Variants in PASD1 observed in about 807,000 individuals in gnomAD.
The protein encoded by PASD1 is PAS domain containing repressor 1, also known as circadian clock protein PASD1.
In PASD1, 13 loss-of-function variants were observed where a neutral mutation model predicts 58.8. The observed-to-expected ratio is 0.22, with a 90% CI of 0.14 to 0.35. The LOEUF is 0.35. Ranked by LOEUF, PASD1 falls within the 10% of genes least tolerant of loss-of-function variation. The pLI is 1.00. For missense variants in PASD1, 734 were observed against 568.3 expected (o/e 1.29, Z -2.96); for synonymous variants, 236 against 216.7 (o/e 1.09, Z -0.78).
chrX:151,640,897 C>A (rs939479950), intron 8 of PASD1: 1 of 111,640 alleles, frequency 9.0e-6, no homozygotes, highest in African/African-American at 3.3e-5. Context: ...CCAATATCAG[C>A]AATATTCTTT....
chrX:151,599,870 G>A (rs749062308), intron 1 of PASD1, among the ~76,000 whole-genome samples: 97 of 111,877 alleles, frequency 8.7e-4, no homozygotes, highest in African/African-American at 2.7e-3. Flanking sequence ...GGTGGCGGCC[G>A]GGCAGAGGCT....
chrX:151,568,126 G>T (rs1398492627), intron 1 of PASD1, among the ~76,000 whole-genome samples: 1 of 112,362 alleles, frequency 8.9e-6, no homozygotes, highest in Non-Finnish European at 1.9e-5. Flanking sequence ...GGCTTAAGAT[G>T]TCGGCAAGGC....
intron 11 of PASD1, among the ~76,000 whole-genome samples, chrX:151,668,233 CA>C (rs2088059954): frequency 9.0e-6 from 1 of 111,657 alleles, no homozygotes; most frequent in African/African-American, 3.3e-5. Context: ...TGAATTTTGT[CA>C]AAGATCTTTT....
chrX:151,585,966 C>T (rs1375690411), intron 1 of PASD1, among the ~76,000 whole-genome samples: 1 of 111,583 alleles, frequency 9.0e-6, no homozygotes, highest in East Asian at 2.8e-4. Flanking sequence ...TGATACTGAT[C>T]AGCAGAATTC....
intron 8 of PASD1, among the ~76,000 whole-genome samples, chrX:151,630,215 C>T (rs755065531): frequency 2.2e-4 from 24 of 111,385 alleles, no homozygotes; most frequent in Non-Finnish European, 4.3e-4. Flanking sequence ...CATATCCCTC[C>T]CTCCTCCAAC....
intron 10 of PASD1, among the ~76,000 whole-genome samples, chrX:151,660,089 C>A (rs1039676651): frequency 8.9e-6 from 1 of 111,912 alleles, no homozygotes; most frequent in Non-Finnish European, 1.9e-5. Flanking sequence ...GGATCTCAAT[C>A]CTTGAAGGAA....
chrX:151,653,323 G>C (rs1455660399), intron 9 of PASD1, among the ~76,000 whole-genome samples: 1 of 109,222 alleles, frequency 9.2e-6, no homozygotes, highest in African/African-American at 3.3e-5. Flanking sequence ...CTCCCAAGTA[G>C]CTGGATTACA....
At chrX:151,594,087 C>T (rs755154775) in intron 1 of PASD1, among the ~76,000 whole-genome samples, 87 of 110,699 alleles carry the variant, frequency 7.9e-4, no homozygotes, top group Non-Finnish European at 1.6e-3. Flanking sequence ...CATTCTCCTG[C>T]CTCAGCCTCC....
chrX:151,637,256 T>A (rs2013941763), intron 8 of PASD1, among the ~76,000 whole-genome samples: 1 of 112,712 alleles, frequency 8.9e-6, no homozygotes, highest in Non-Finnish European at 1.9e-5. Flanking sequence ...AGGAATAGAA[T>A]TGTTAGTACA....
At chrX:151,592,490 G>A (rs934410539) in intron 1 of PASD1, among the ~76,000 whole-genome samples, 3 of 111,228 alleles carry the variant, frequency 2.7e-5, no homozygotes, top group African/African-American at 6.5e-5. Flanking sequence ...TTTTCTTGAT[G>A]GAAATATATA....
intron 10 of PASD1, among the ~76,000 whole-genome samples, chrX:151,661,140 G>C (rs1322043502): frequency 9.8e-6 from 1 of 102,138 alleles, no homozygotes; most frequent in East Asian, 2.9e-4. Flanking sequence ...GGGCGACAGA[G>C]CAAGACTCCG....
chrX:151,608,008 T>C (rs2013509109), intron 3 of PASD1, among the ~76,000 whole-genome samples: 1 of 111,708 alleles, frequency 9.0e-6, no homozygotes, highest in Admixed American at 9.5e-5. Context: ...TTTGTTCATA[T>C]ATCCTCTTCC....
At chrX:151,668,562 A>G (rs2014416539) in intron 11 of PASD1, among the ~76,000 whole-genome samples, 1 of 111,570 alleles carries the variant, frequency 9.0e-6, no homozygotes, top group Non-Finnish European at 1.9e-5. Flanking sequence ...AACTACCATC[A>G]GAGAATACTA....
intron 4 of PASD1, among the ~76,000 whole-genome samples, chrX:151,618,366 C>T (rs1244537871): frequency 8.9e-6 from 1 of 112,229 alleles, no homozygotes; most frequent in Non-Finnish European, 1.9e-5. Context: ...AGCCATTATT[C>T]AGCTACAAGG....
At chrX:151,627,038 C>A (rs1373840314) in intron 8 of PASD1, among the ~76,000 whole-genome samples, 2 of 111,389 alleles carry the variant, frequency 1.8e-5, no homozygotes, top group African/African-American at 6.5e-5. Context: ...ATTAAAAATT[C>A]TTGCTAACAT....
chrX:151,586,338 G>A (rs935515980), intron 1 of PASD1, among the ~76,000 whole-genome samples: 11 of 111,182 alleles, frequency 9.9e-5, no homozygotes, highest in African/African-American at 3.7e-4. Context: ...AGTGGGTAGC[G>A]TAGCAAGAGA....
chrX:151,591,127 G>A (rs933551016), intron 1 of PASD1, among the ~76,000 whole-genome samples: 3 of 111,471 alleles, frequency 2.7e-5, no homozygotes, highest in Non-Finnish European at 5.7e-5. Flanking sequence ...GAGACTGAGA[G>A]AGTTAGACTG....
rs1392924235 is a variant in PASD1, at chrX:151,652,458, G to A, written c.717+3756G>A. On this transcript the variant is annotated intron_variant, in intron 9 of 15. Coordinates refer to ENST00000370357, the MANE Select transcript of PASD1 (RefSeq NM_173493.3). ...TGAGGTGGGTGAATCACTTGAACCC[G>A]GGAGGCGGAGATTGCAGTGAGCTAA... Among the ~76,000 whole-genome samples, 3 of 109,046 alleles carry A rather than the reference G, an allele frequency of 2.8e-5. 1 individual carries two copies. The highest frequency in any genetic ancestry group is 6.6e-5 in the African/African-American group (2 of 30,080). 94.7% of individuals were successfully genotyped at this position (109,046 alleles called of 115,157 possible).
intron 4 of PASD1, among the ~76,000 whole-genome samples, chrX:151,615,246 G>C (rs1435816462): frequency 9.1e-6 from 1 of 110,113 alleles, no homozygotes; most frequent in African/African-American, 3.3e-5. Flanking sequence ...TATGTATTTG[G>C]TTCAAAGTTT....
Sources: gnomAD v4.1 joint callset for allele counts (sites outside exome capture counted in the v4.1 genomes callset) on GRCh38, gnomAD v4.1.1 for gene constraint, MANE v1.5 for transcripts, NCBI Gene and HGNC (gene_info 2026-07-23, HGNC 2026-07-21) for gene names.